The following LRGUK variants were observed in gnomAD, a reference collection of about 807,000 sequenced individuals.
LRGUK encodes the protein leucine-rich repeat and guanylate kinase domain-containing protein.
In LRGUK, 65 loss-of-function variants were observed where a neutral mutation model predicts 76.0. That is an observed-to-expected ratio of 0.85 (90% CI 0.70 to 1.05). LRGUK has a LOEUF of 1.05. LRGUK is among the 50% of genes least tolerant of loss of function. The pLI is 0.00. For missense variants in LRGUK, 758 were observed against 732.8 expected (o/e 1.03, Z -0.40); for synonymous variants, 268 against 265.6 (o/e 1.01, Z -0.09).
chr7:134,136,400 C>T (rs929482827), intron 1 of LRGUK, among the ~76,000 whole-genome samples: 1 of 152,168 alleles, frequency 6.6e-6, no homozygotes, highest in African/African-American at 2.4e-5. Context: ...CCTGTTTTCT[C>T]TACCAATCTG....
rs1252549932 is a variant in LRGUK at position 134,251,744 on chromosome 7, C to T, written c.2198+2668C>T. 4.6e-5 allele frequency among the ~76,000 whole-genome samples: 7 copies of T among 152,222 alleles called. No homozygotes were observed. In the East Asian group the frequency reaches 1.4e-3, roughly 29 times the overall value. On this transcript the variant is annotated intron_variant, in intron 18 of 19. Coordinates refer to the LRGUK transcript ENST00000285928. ...TGGAAGAACATCTTTATGCATCTAT[C>T]ATTTGATAAAAAGCTCTATCCCATA... is the stretch of plus-strand genomic sequence containing the variant.
At chr7:134,197,668 T>C (rs1456246207) in intron 13 of LRGUK, among the ~76,000 whole-genome samples, 1 of 152,176 alleles carries the variant, frequency 6.6e-6, no homozygotes, top group Non-Finnish European at 1.5e-5. Flanking sequence ...TTCATACTTC[T>C]GGCAATTTAG....
rs143453833 is a variant in LRGUK at position 134,186,113 on chromosome 7, T to A, written c.1334+2260T>A. 3.7e-4 allele frequency among the ~76,000 whole-genome samples: 56 copies of A among 152,340 alleles called. No homozygotes were observed. In the East Asian group the frequency reaches 0.01, roughly 28 times the overall value. ...CTATGAGGAACCAAGTTTCTCCAGT[T>A]CCTTTCACATCTCTGATACCAGTTA... On this transcript the variant is annotated intron_variant, in intron 11 of 15. Transcript: ENST00000645682.
At chr7:134,136,912 G>C in intron 1 of LRGUK, 111 bp from the exon 2 acceptor site, 1 of 866,022 alleles carries the variant, frequency 1.2e-6, no homozygotes, top group Non-Finnish European at 1.8e-6. Flanking sequence ...ATTTTGGAGA[G>C]CTCAGCTCCT....
chr7:134,134,966 A>G (rs1797464641), intron 1 of LRGUK, among the ~76,000 whole-genome samples: 1 of 152,184 alleles, frequency 6.6e-6, no homozygotes, highest in African/African-American at 2.4e-5. Context: ...TTGGGAAGGA[A>G]TGACTTTCCC....
intron 11 of LRGUK, among the ~76,000 whole-genome samples, chr7:134,189,781 T>C (rs550967976): frequency 2.6e-5 from 4 of 152,228 alleles, no homozygotes; most frequent in African/African-American, 4.8e-5. Flanking sequence ...TGTGAAGAAA[T>C]GCCAATGTAT....
At chr7:134,276,222 A>G in the LRGUK span, among the ~76,000 whole-genome samples, 6 of 152,226 alleles carry the variant, frequency 3.9e-5, no homozygotes, top group African/African-American at 1.4e-4. Flanking sequence ...ATGACATATA[A>G]TGTCGACTAT....
At chr7:134,161,739 G>A (rs532978511) in intron 6 of LRGUK, among the ~76,000 whole-genome samples, 1 of 144,662 alleles carries the variant, frequency 6.9e-6, no homozygotes, top group South Asian at 2.2e-4. Context: ...TGCCCAGGCT[G>A]GAGTGCAGTG....
At chr7:134,240,469 T>C (rs960925514) in intron 16 of LRGUK, among the ~76,000 whole-genome samples, 2 of 152,062 alleles carry the variant, frequency 1.3e-5, no homozygotes, top group Non-Finnish European at 2.9e-5. Flanking sequence ...GAAAATCAAA[T>C]GAGTGAAATG....
chr7:134,183,767 G>A (rs1176159870), exon 11 of LRGUK: 1 of 1,613,948 alleles, frequency 6.2e-7, no homozygotes, highest in Non-Finnish European at 8.5e-7. Context: ...CTTATCCCAT[G>A]CTGATACTAG....
rs1347978484 is a variant in LRGUK, at chr7:134,201,441, T to G, written c.1748-40T>G. 3 of 1,456,146 alleles carry G rather than the reference T, an allele frequency of 2.1e-6. No homozygotes were observed. The South Asian group carries it at 3.4e-5, about 17-fold the overall frequency. The allele number at this position is 1,456,146 out of a possible 1,614,324, so 90.2% of individuals were successfully genotyped here. On this transcript the variant is annotated intron_variant, in intron 14 of 15. Transcript: ENST00000645682. ...ATAGTTGAACATCAACTGTATTGGA[T>G]GTGATCCTGTTGCTTTAAAATGTAC... is the stretch of plus-strand genomic sequence containing the variant.
At chr7:134,248,986 A>G in exon 18 of LRGUK, 2 of 1,586,412 alleles carry the variant, frequency 1.3e-6, no homozygotes, top group Middle Eastern at 1.7e-4. Flanking sequence ...AGTGGTCTAC[A>G]CTATTATACA....
intron 3 of LRGUK, among the ~76,000 whole-genome samples, chr7:134,140,691 T>TC (rs111918644): frequency 0.13 from 19,477 of 152,064 alleles, 1,530 homozygotes; most frequent in East Asian, 0.33. Context: ...GGGGTTTTTT[T>TC]CCCCTTCTAG....
chr7:134,263,403 C>CTGTGTGTGTG (rs6150361), intron 19 of LRGUK, among the ~76,000 whole-genome samples: 1 of 142,178 alleles, frequency 7.0e-6, no homozygotes, highest in African/African-American at 2.9e-5. Context: ...CTTCACTTCA[C>CTGTGTGTGTG]TGTGTGTGTG....
In LRGUK at chr7:134,199,271, G is replaced by C. The variant is rs140376316; in HGVS notation, c.1597G>C (p.Val533Leu). 409 of 1,613,810 alleles carry C rather than the reference G, an allele frequency of 2.5e-4. No homozygotes were observed. Among genetic ancestry groups the C allele is most frequent in the Non-Finnish European group, 3.4e-4 (399 of 1,179,878 alleles). ...TTTTGAGCCTCGTTATATCCTGGTG[G>C]TGCCCATGAACAAGGAAAAATATGA... is the stretch of plus-strand genomic sequence containing the variant. The change falls in exon 14 of 16, where the codon GTG (valine) becomes CTG (leucine). Residue 533 changes from valine (V) to leucine (L), a missense_variant. Coordinates refer to ENST00000645682, the Ensembl canonical transcript of LRGUK.
At chr7:134,270,050 C>G in the LRGUK span, among the ~76,000 whole-genome samples, 1 of 152,108 alleles carries the variant, frequency 6.6e-6, no homozygotes, top group Non-Finnish European at 1.5e-5. Flanking sequence ...GATGACTACT[C>G]TCATCACTCA....
chr7:134,268,485 A>C (rs2117242098), downstream of LRGUK, among the ~76,000 whole-genome samples: 1 of 152,230 alleles, frequency 6.6e-6, no homozygotes, highest in Admixed American at 6.5e-5. Flanking sequence ...AGGTTGAATT[A>C]AAGAATTTAT....
At chr7:134,274,685 G>T in the LRGUK span, among the ~76,000 whole-genome samples, 1 of 152,156 alleles carries the variant, frequency 6.6e-6, no homozygotes, top group East Asian at 1.9e-4. Context: ...CTATTATATT[G>T]CAATTACAGA....
intron 4 of LRGUK, among the ~76,000 whole-genome samples, chr7:134,146,839 A>C (rs1438582544): frequency 6.6e-6 from 1 of 152,216 alleles, no homozygotes; most frequent in East Asian, 1.9e-4. Context: ...AAAAATTAGA[A>C]TAGTGCTTAT....
Sources: gnomAD v4.1 joint callset for allele counts (sites outside exome capture counted in the v4.1 genomes callset) on GRCh38, gnomAD v4.1.1 for gene constraint, MANE v1.5 for transcripts, NCBI Gene and HGNC (gene_info 2026-07-23, HGNC 2026-07-21) for gene names.